ATP8A2: variants seen among roughly 807,000 people sequenced by gnomAD.
The protein encoded by ATP8A2 is phospholipid-transporting ATPase IB.
In ATP8A2, 100 loss-of-function variants were observed where a neutral mutation model predicts 165.6. That is an observed-to-expected ratio of 0.60 (90% CI 0.51 to 0.71). The LOEUF (loss-of-function observed/expected upper bound fraction) is 0.71. Among genes scored for constraint, ATP8A2 ranks in the 30% least tolerant of loss-of-function variants. The pLI, the probability that ATP8A2 is intolerant of heterozygous loss-of-function variation, is 0.00. For missense variants in ATP8A2, 1,227 were observed against 1,479.5 expected, an observed-to-expected ratio of 0.83 and a Z score of 2.80; for synonymous variants, 543 against 548.8, an observed-to-expected ratio of 0.99 and a Z score of 0.15.
At chr13:25,931,484 G>A (rs901845816) in intron 33 of ATP8A2, among the ~76,000 whole-genome samples, 7 of 152,282 alleles carry the variant, frequency 4.6e-5, no homozygotes, top group African/African-American at 1.4e-4. Context: ...AGATGCCACA[G>A]AAGTGACTGT....
chr13:25,954,447 G>A (rs1261738724), intron 33 of ATP8A2, among the ~76,000 whole-genome samples: 3 of 152,130 alleles, frequency 2.0e-5, no homozygotes, highest in African/African-American at 4.8e-5. Context: ...AGACTTAAAC[G>A]TTCTTGCCTG....
intron 33 of ATP8A2, among the ~76,000 whole-genome samples, chr13:25,872,313 G>A (rs908806276): frequency 2.0e-5 from 3 of 152,194 alleles, no homozygotes; most frequent in Non-Finnish European, 4.4e-5. Flanking sequence ...AGCCTGGAGC[G>A]GCTAGGACAC....
chr13:25,703,264 G>A (rs186399337), intron 25 of ATP8A2, among the ~76,000 whole-genome samples: 44 of 152,224 alleles, frequency 2.9e-4, no homozygotes, highest in African/African-American at 9.9e-4. Context: ...ATTTTTAGTA[G>A]AGACAGGATT....
intron 10 of ATP8A2, among the ~76,000 whole-genome samples, chr13:25,544,170 A>G (rs1415495966): frequency 6.6e-6 from 1 of 152,258 alleles, no homozygotes; most frequent in African/African-American, 2.4e-5. Context: ...CAATAGTGAA[A>G]GGCCCAGGCT....
At chr13:25,916,934 G>T (rs538229069) in intron 33 of ATP8A2, among the ~76,000 whole-genome samples, 33 of 152,162 alleles carry the variant, frequency 2.2e-4, no homozygotes, top group African/African-American at 7.2e-4. Flanking sequence ...TTGGGCACTT[G>T]CTGAGTCCTA....
At chr13:25,499,624 C>T (rs942757250) in intron 2 of ATP8A2, among the ~76,000 whole-genome samples, 19 of 152,240 alleles carry the variant, frequency 1.2e-4, no homozygotes, top group South Asian at 2.1e-4. Flanking sequence ...TTGTTGGGGA[C>T]ATCATATTCT....
chr13:25,811,577 G>A (rs745364075), intron 27 of ATP8A2, among the ~76,000 whole-genome samples: 21 of 152,112 alleles, frequency 1.4e-4, no homozygotes, highest in Non-Finnish European at 1.3e-4. Flanking sequence ...AGGGCAAGGC[G>A]CAATGGCTCA....
At chr13:25,512,494 C>T (rs1179132610) in intron 2 of ATP8A2, among the ~76,000 whole-genome samples, 1 of 151,720 alleles carries the variant, frequency 6.6e-6, no homozygotes, top group Non-Finnish European at 1.5e-5. Context: ...GACGGGGCGG[C>T]TGGCTGGGCG....
At chr13:25,413,278 G>GTTTTT (rs1195456593) in intron 1 of ATP8A2, among the ~76,000 whole-genome samples, 121 of 105,244 alleles carry the variant, frequency 1.1e-3, no homozygotes, top group South Asian at 1.7e-3. Flanking sequence ...CTTTTTCTTT[G>GTTTTT]TTTTTTTTTT....
intron 1 of ATP8A2, among the ~76,000 whole-genome samples, chr13:25,437,715 T>G (rs1200488136): frequency 6.6e-6 from 1 of 152,214 alleles, no homozygotes; most frequent in Non-Finnish European, 1.5e-5. Context: ...AGAGTCAGTA[T>G]TACAAATGGA....
At chr13:25,504,074 G>A (rs553952908) in intron 2 of ATP8A2, among the ~76,000 whole-genome samples, 1 of 152,358 alleles carries the variant, frequency 6.6e-6, no homozygotes, top group East Asian at 1.9e-4. Context: ...AGAGCATGTT[G>A]GAAGGAATCC....
At chr13:25,706,704 T>C (rs965783545) in intron 25 of ATP8A2, among the ~76,000 whole-genome samples, 1 of 152,158 alleles carries the variant, frequency 6.6e-6, no homozygotes, top group Non-Finnish European at 1.5e-5. Flanking sequence ...CTCAGCATCA[T>C]GAACGATTAG....
At chr13:25,759,713 C>A (rs953312749) in intron 25 of ATP8A2, among the ~76,000 whole-genome samples, 2 of 152,148 alleles carry the variant, frequency 1.3e-5, no homozygotes, top group Non-Finnish European at 2.9e-5. Context: ...TAAATCCCAG[C>A]CTTCCTAGAC....
Position 25,769,295 on chromosome 13 carries a change from G to C in ATP8A2, c.2568+66G>C, listed in dbSNP as rs866029820. On this transcript the variant is annotated intron_variant, in intron 26 of 36. Coordinates refer to ENST00000381655, the MANE Select transcript of ATP8A2 (RefSeq NM_016529.6). ...GATGATAGCTGGGCATGAGGACCTG[G>C]CGTTTAACCTTCAGTGCATCTCCAA... 3 of 1,505,384 alleles carry C rather than the reference G, an allele frequency of 2.0e-6. No homozygotes were observed. In the East Asian group the frequency reaches 6.9e-5, roughly 34 times the overall value. 93.3% of individuals were successfully genotyped at this position (1,505,384 alleles called of 1,614,324 possible).
chr13:25,592,139 C>A lies in ATP8A2; in HGVS notation c.2211+2440C>A, dbSNP rs149226818. Among the ~76,000 whole-genome samples the A allele has an allele frequency of 2.8e-3, 423 of 151,488 alleles. 4 individuals carry two copies. Among genetic ancestry groups the A allele is most frequent in the African/African-American group, 9.4e-3 (386 of 41,244 alleles). ...GTGACAATGGACATCTTTACATGTGCCTTTTGGTCATTTGTATATCTTCTA... is the reference window on the plus strand; with the variant it reads ...GTGACAATGGACATCTTTACATGTGACTTTTGGTCATTTGTATATCTTCTA... On this transcript the variant is annotated intron_variant, in intron 24 of 36. Coordinates refer to ENST00000381655, the MANE Select transcript of ATP8A2 (RefSeq NM_016529.6).
chr13:25,882,898 G>C (rs888011429), intron 33 of ATP8A2, among the ~76,000 whole-genome samples: 2 of 91,050 alleles, frequency 2.2e-5, no homozygotes, highest in African/African-American at 1.7e-4. Flanking sequence ...TGCCTGAGAT[G>C]ATGATGATGA....
chr13:25,654,030 C>T (rs978316531), intron 24 of ATP8A2, among the ~76,000 whole-genome samples: 5 of 152,114 alleles, frequency 3.3e-5, no homozygotes, highest in African/African-American at 1.2e-4. Context: ...CCTCCCTGTA[C>T]ACTGTGAAGG....
At chr13:25,410,382 T>C (rs1307365089) in intron 1 of ATP8A2, among the ~76,000 whole-genome samples, 3 of 152,226 alleles carry the variant, frequency 2.0e-5, no homozygotes, top group Non-Finnish European at 2.9e-5. Flanking sequence ...TATTCCTACA[T>C]AGAAGTTAAT....
At chr13:25,797,271 AAAAT>A (rs1187267874) in intron 27 of ATP8A2, among the ~76,000 whole-genome samples, 1 of 152,176 alleles carries the variant, frequency 6.6e-6, no homozygotes, top group Non-Finnish European at 1.5e-5. Context: ...TCCATCTCAA[AAAAT>A]AAATAAATAG....
Sources: gnomAD v4.1 joint callset for allele counts (sites outside exome capture counted in the v4.1 genomes callset) on GRCh38, gnomAD v4.1.1 for gene constraint, MANE v1.5 for transcripts, NCBI Gene and HGNC (gene_info 2026-07-23, HGNC 2026-07-21) for gene names.